MET: variants seen among roughly 807,000 people sequenced by gnomAD.
MET encodes hepatocyte growth factor receptor.
In MET, 48 loss-of-function variants were observed where a neutral mutation model predicts 133.1. The ratio of observed to expected loss-of-function variants is 0.36; its 90% CI spans 0.29 to 0.46. MET has a LOEUF of 0.46. MET is among the 20% of genes least tolerant of loss of function. The probability of loss-of-function intolerance (pLI) is 1.00; values close to 1 mark genes in which losing one functional copy is unlikely to be tolerated. For missense variants in MET, 1,442 were observed against 1,695.9 expected (o/e 0.85, Z 2.63); for synonymous variants, 628 against 616.5 (o/e 1.02, Z -0.28).
intron 10 of MET, among the ~76,000 whole-genome samples, chr7:116,761,311 A>T (rs1794391056): frequency 6.6e-6 from 1 of 152,206 alleles, no homozygotes; most frequent in Non-Finnish European, 1.5e-5. Context: ...ACTGTACATT[A>T]GAATCGGACA....
chr7:116,795,297 T>C (rs1382402201), intron 19 of MET, among the ~76,000 whole-genome samples: 1 of 152,188 alleles, frequency 6.6e-6, no homozygotes, highest in Admixed American at 6.5e-5. Flanking sequence ...TTACAAGTAA[T>C]GTAAAATTGT....
At chr7:116,748,022 G>A (rs1584931002) in intron 5 of MET, among the ~76,000 whole-genome samples, 1 of 152,236 alleles carries the variant, frequency 6.6e-6, no homozygotes, top group East Asian at 1.9e-4. Context: ...GAGGCGGGCG[G>A]ATCACAAGGT....
At position 116,699,509 on chromosome 7, in the gene MET, A is replaced by G. The variant is rs768640780; in HGVS notation, c.425A>G (p.Gln142Arg). 7 of 1,614,088 alleles carry G rather than the reference A, an allele frequency of 4.3e-6. No homozygotes were observed. The highest frequency in any genetic ancestry group is 5.9e-6 in the Non-Finnish European group (7 of 1,179,974). Residue 142 changes from glutamine to arginine, a missense_variant, in exon 2 of 21, where the codon CAG becomes CGG. Physicochemically the swap from Gln to Arg is conservative, Grantham distance 43. Around this residue, in one of 6 missense-constraint regions of MET, gnomAD observed 762 missense variants for 792.4 expected, o/e 0.96. Transcript: ENST00000397752. ...SCGSVNRGTC[Q>R]RHVFPHNHTA... is the part of the protein sequence containing the mutation. ...GGCAGCGTCAACAGAGGGACCTGCCAGCGACATGTCTTTCCCCACAATCAT... is the reference window on the plus strand; with the variant it reads ...GGCAGCGTCAACAGAGGGACCTGCCGGCGACATGTCTTTCCCCACAATCAT...
chr7:116,754,891 GAGAGAAAGAAAGAAAGAA>G (rs1381660941), intron 5 of MET, among the ~76,000 whole-genome samples: 4 of 117,642 alleles, frequency 3.4e-5, no homozygotes, highest in East Asian at 2.4e-4. Context: ...GAGAGAGAAA[GAGAGAAAGAAAGAAAGAA>G]AGAAAGAAAG....
chr7:116,713,212 G>A (rs1347751396), intron 2 of MET, among the ~76,000 whole-genome samples: 2 of 152,034 alleles, frequency 1.3e-5, no homozygotes, highest in Non-Finnish European at 2.9e-5. Flanking sequence ...CGGCTAAAAC[G>A]GTGAAACCCC....
At chr7:116,685,081 G>A (rs1796501160) in intron 1 of MET, among the ~76,000 whole-genome samples, 1 of 152,244 alleles carries the variant, frequency 6.6e-6, no homozygotes, top group East Asian at 1.9e-4. Context: ...ATACAGAGAG[G>A]GAGACCAGGT....
chr7:116,695,267 C>T (rs1306455130), intron 1 of MET, among the ~76,000 whole-genome samples: 2 of 152,116 alleles, frequency 1.3e-5, no homozygotes, highest in Admixed American at 1.3e-4. Context: ...GTTTGGTTTA[C>T]AGTTTGTATT....
In MET at chr7:116,717,003, T is replaced by C. The variant is rs531265142; in HGVS notation, c.1201-14665T>C. 2.6e-5 allele frequency among the ~76,000 whole-genome samples: 4 copies of C among 152,316 alleles called. No homozygotes were observed. In the South Asian group the frequency reaches 6.2e-4, roughly 24 times the overall value. ...TGCTAGGACTTCCAGGCCATGACTA[T>C]TGAAGCCATAGGGCAGGATTACTTC... On this transcript the variant is annotated intron_variant, in intron 2 of 20. Coordinates refer to ENST00000397752, the MANE Select transcript of MET (RefSeq NM_000245.4).
chr7:116,673,088 A>G (rs1187910936), intron 1 of MET, among the ~76,000 whole-genome samples: 2 of 152,114 alleles, frequency 1.3e-5, no homozygotes, highest in Admixed American at 6.5e-5. Context: ...ATCGTACCTT[A>G]TCTCTTTCTG....
intron 2 of MET, among the ~76,000 whole-genome samples, chr7:116,711,606 G>A (rs139814860): frequency 3.2e-4 from 48 of 151,342 alleles, no homozygotes; most frequent in African/African-American, 1.1e-3. Flanking sequence ...AGAGAAAATT[G>A]TATATTATCA....
At chr7:116,729,973 C>G (rs2116769153) in intron 2 of MET, among the ~76,000 whole-genome samples, 1 of 152,334 alleles carries the variant, frequency 6.6e-6, no homozygotes, top group Non-Finnish European at 1.5e-5. Context: ...TCGCAGCGAG[C>G]TGCTTGGGAG....
chr7:116,673,238 A>G (rs1796036598), intron 1 of MET, among the ~76,000 whole-genome samples: 1 of 152,122 alleles, frequency 6.6e-6, no homozygotes, highest in Non-Finnish European at 1.5e-5. Context: ...TGCAGAATTT[A>G]CTCCGAAGTA....
chr7:116,772,492 C>T (rs976306562), intron 14 of MET, among the ~76,000 whole-genome samples: 3 of 152,056 alleles, frequency 2.0e-5, no homozygotes, highest in African/African-American at 4.8e-5. Flanking sequence ...CCAAGGAAAA[C>T]CTTCAATTAT....
chr7:116,790,929 T>G (rs1457446217), intron 19 of MET, among the ~76,000 whole-genome samples: 1 of 152,090 alleles, frequency 6.6e-6, no homozygotes, highest in African/African-American at 2.4e-5. Flanking sequence ...ATACAAAAAA[T>G]TAGCCGGGAG....
chr7:116,767,974 ATGTGTG>A (rs36013546), intron 11 of MET, among the ~76,000 whole-genome samples: 160 of 140,236 alleles, frequency 1.1e-3, no homozygotes, highest in South Asian at 1.8e-3. Context: ...ATATATATAT[ATGTGTG>A]TGTGTGTGTG....
Position 116,755,372 on chromosome 7 carries a change from A to G in MET, c.1719A>G (p.Ala573=), listed in dbSNP as rs199776656. The G allele has an allele frequency of 3.1e-6, 5 of 1,613,956 alleles. No individual in the cohort carries two copies. The highest frequency in any genetic ancestry group is 1.3e-5 in the African/African-American group (1 of 74,890). The part of the protein sequence containing the change: ...PAIYKVFPNS[A]PLEGGTRLTI... ...CCTTGTAGGTTTTCCCAAATAGTGC[A>G]CCCCTTGAAGGAGGGACAAGGCTGA... The change falls in exon 6 of 21, where the codon GCA becomes GCG. Residue 573 remains alanine, a synonymous_variant. Coordinates refer to ENST00000397752, the MANE Select transcript of MET (RefSeq NM_000245.4).
intron 19 of MET, among the ~76,000 whole-genome samples, chr7:116,790,778 A>G (rs1413717778): frequency 6.6e-6 from 1 of 152,158 alleles, no homozygotes; most frequent in Admixed American, 6.5e-5. Flanking sequence ...TCCATTCACC[A>G]GTTAAAGAAC....
intron 1 of MET, among the ~76,000 whole-genome samples, chr7:116,679,667 A>T (rs1442291961): frequency 6.6e-6 from 1 of 152,174 alleles, no homozygotes; most frequent in African/African-American, 2.4e-5. Flanking sequence ...AGGAGAGGGG[A>T]GAGAGGAATA....
At position 116,700,091 on chromosome 7, in the gene MET, G is replaced by A. The variant is rs1791512753; in HGVS notation, c.1007G>A (p.Ser336Asn). 6.2e-7 allele frequency: 1 copy of A among 1,611,340 alleles called. No homozygotes were observed. The highest frequency in any genetic ancestry group is 8.5e-7 in the Non-Finnish European group (1 of 1,179,042). ...CAGCTTGCTAGACAAATAGGAGCCA[G>A]CCTGAATGATGACATTCTTTTCGGG... ...GAQLARQIGASLNDDILFGVF... is the reference protein window; with the variant it reads ...GAQLARQIGANLNDDILFGVF... The change falls in exon 2 of 21, where the codon AGC becomes AAC. Residue 336 changes from serine (S) to asparagine (N), a missense_variant. Physicochemically the swap from Ser to Asn is conservative, Grantham distance 46. This residue lies in a region of MET where 762 missense variants were observed against 792.4 expected (regional missense o/e 0.96). Coordinates refer to ENST00000397752, the MANE Select transcript of MET (RefSeq NM_000245.4).
Sources: gnomAD v4.1 joint callset for allele counts (sites outside exome capture counted in the v4.1 genomes callset) on GRCh38, gnomAD v4.1.1 for gene constraint, gnomAD v4.1.1 regional missense constraint, MANE v1.5 for transcripts, NCBI Gene and HGNC (gene_info 2026-07-23, HGNC 2026-07-21) for gene names.